FGGY: variants seen among roughly 807,000 people sequenced by gnomAD.
FGGY encodes FGGY carbohydrate kinase domain containing.
A neutral mutation model predicts 71.3 loss-of-function variants in FGGY; 72 were observed. That is an observed-to-expected ratio of 1.01 (90% CI 0.84 to 1.23). The LOEUF (loss-of-function observed/expected upper bound fraction) is 1.23, where lower values mean the gene tolerates loss of function less well. FGGY is among the 50% of genes most tolerant of loss of function. FGGY has a pLI of 0.00. For missense variants in FGGY, 668 were observed against 682.3 expected, an observed-to-expected ratio of 0.98 and a Z score of 0.23; for synonymous variants, 251 against 250.3, an observed-to-expected ratio of 1.00 and a Z score of -0.02.
intron 6 of FGGY, among the ~76,000 whole-genome samples, chr1:59,501,341 A>G (rs190901102): frequency 1.3e-5 from 2 of 152,290 alleles, no homozygotes; most frequent in African/African-American, 2.4e-5. Flanking sequence ...TTTGGTTTTA[A>G]TTAGTAAATG....
intron 6 of FGGY, among the ~76,000 whole-genome samples, chr1:59,457,297 A>C (rs979850026): frequency 1.3e-5 from 2 of 152,174 alleles, no homozygotes; most frequent in Admixed American, 6.5e-5. Flanking sequence ...CATGCTATGA[A>C]AATCTGCATT....
At chr1:59,301,182 A>G (rs1290857787) in intron 1 of FGGY, among the ~76,000 whole-genome samples, 6 of 152,168 alleles carry the variant, frequency 3.9e-5, no homozygotes. Context: ...GGTCTTACAC[A>G]TCTTTGTTGG....
chr1:59,505,338 T>C (rs2094350562), intron 6 of FGGY, among the ~76,000 whole-genome samples: 1 of 152,226 alleles, frequency 6.6e-6, no homozygotes, highest in Admixed American at 6.5e-5. Flanking sequence ...AGGTACTCAT[T>C]AAACATTTCT....
chr1:59,730,361 C>T (rs1011481883), intron 14 of FGGY, among the ~76,000 whole-genome samples: 2 of 148,016 alleles, frequency 1.4e-5, no homozygotes, highest in Non-Finnish European at 3.0e-5. Flanking sequence ...ACAGTTTTTA[C>T]ATGTTGGAGC....
chr1:59,680,206 C>A (rs117149119), intron 14 of FGGY, among the ~76,000 whole-genome samples: 2 of 151,448 alleles, frequency 1.3e-5, no homozygotes, highest in Non-Finnish European at 1.5e-5. Flanking sequence ...TTTTTAGTAG[C>A]CTTTTGCCCT....
At chr1:59,412,327 A>G (rs1354284312) in intron 5 of FGGY, among the ~76,000 whole-genome samples, 1 of 106,190 alleles carries the variant, frequency 9.4e-6, no homozygotes, top group African/African-American at 2.6e-5. Flanking sequence ...TCTATCGTGG[A>G]TGGTTCTGAG....
At chr1:59,760,198 G>A (rs1351803790) in intron 15 of FGGY, among the ~76,000 whole-genome samples, 4 of 152,214 alleles carry the variant, frequency 2.6e-5, no homozygotes, top group Non-Finnish European at 5.9e-5. Flanking sequence ...CAGTAAGCAC[G>A]TGATAGGGTA....
At position 59,712,280 on chromosome 1, in the gene FGGY, C is replaced by T. The variant is rs111929923; in HGVS notation, c.1512+38147C>T. Among the ~76,000 whole-genome samples the T allele has an allele frequency of 1.5e-3, 222 of 152,280 alleles. 1 individual carries two copies. The highest frequency in any genetic ancestry group is 2.3e-3 in the Non-Finnish European group (154 of 68,022). ...TCCCATCATCTTGGGCAGCTCTGCC[C>T]CTGTGGTTTTGCACGGTACGACCTC... On this transcript the variant is annotated intron_variant, in intron 14 of 15. Coordinates refer to ENST00000303721, the MANE Select transcript of FGGY (RefSeq NM_018291.5).
At chr1:59,376,636 G>T (rs1440859915) in intron 4 of FGGY, among the ~76,000 whole-genome samples, 1 of 152,192 alleles carries the variant, frequency 6.6e-6, no homozygotes, top group East Asian at 1.9e-4. Context: ...GTGAAGCTGA[G>T]CAGTTTGTCT....
Position 59,629,224 on chromosome 1 carries a change from T to TAAATAAATAAATA in FGGY, c.1073+3177_1073+3178insATAAATAAATAAA, listed in dbSNP as rs142808830. On this transcript the variant is annotated intron_variant, in intron 10 of 15. Coordinates refer to ENST00000303721, the MANE Select transcript of FGGY (RefSeq NM_018291.5). ...GGAACTTAAATAAAAAATGAATAAA[T>TAAATAAATAAATA]AATAAATAAATAAATAAATGATTGT... is the stretch of plus-strand genomic sequence containing the variant. 5.8e-3 allele frequency among the ~76,000 whole-genome samples: 883 copies of TAAATAAATAAATA among 151,982 alleles called. 8 individuals are homozygous for TAAATAAATAAATA. The highest frequency in any genetic ancestry group is 0.02 in the African/African-American group (821 of 41,370).
intron 10 of FGGY, among the ~76,000 whole-genome samples, chr1:59,630,424 G>C (rs1277795699): frequency 2.0e-5 from 3 of 152,090 alleles, no homozygotes; most frequent in African/African-American, 4.8e-5. Flanking sequence ...GAACAGCAAG[G>C]ACAGGGACTG....
chr1:59,753,892 A>G (rs2098268440), intron 14 of FGGY, among the ~76,000 whole-genome samples: 1 of 152,164 alleles, frequency 6.6e-6, no homozygotes, highest in South Asian at 2.1e-4. Flanking sequence ...TTTTAGATAA[A>G]TATAAAGTCA....
intron 14 of FGGY, among the ~76,000 whole-genome samples, chr1:59,694,454 A>G (rs1238496451): frequency 6.6e-6 from 1 of 151,994 alleles, no homozygotes; most frequent in African/African-American, 2.4e-5. Flanking sequence ...TCCATTGTCT[A>G]CATAGCCTTT....
chr1:59,498,908 C>G (rs956838272), intron 6 of FGGY, among the ~76,000 whole-genome samples: 5 of 152,316 alleles, frequency 3.3e-5, no homozygotes, highest in South Asian at 4.1e-4. Context: ...TGCCAGTGTC[C>G]TCCTTCATTC....
rs1321598288 is a variant in FGGY, at chr1:59,491,332, A to G, written c.671-20979A>G. ...TTGGGTAGTATGGTCATTTAATAAT[A>G]TTAATTATTCTGATGCATGAGCATG... is the stretch of plus-strand genomic sequence containing the variant. On this transcript the variant is annotated intron_variant, in intron 6 of 15. Transcript: ENST00000303721. Among the ~76,000 whole-genome samples, 5 of 151,636 alleles carry G rather than the reference A, an allele frequency of 3.3e-5. No individual in the cohort carries two copies. In the East Asian group the frequency reaches 9.7e-4, roughly 30 times the overall value.
intron 8 of FGGY, among the ~76,000 whole-genome samples, chr1:59,581,585 A>G (rs1348657074): frequency 2.0e-5 from 3 of 150,086 alleles, no homozygotes; most frequent in Non-Finnish European, 4.4e-5. Context: ...AAAGACTAGC[A>G]TATAATAGAC....
At chr1:59,468,194 C>T (rs538776555) in intron 6 of FGGY, among the ~76,000 whole-genome samples, 19 of 152,246 alleles carry the variant, frequency 1.2e-4, no homozygotes, top group South Asian at 6.2e-4. Context: ...TAAGTCACCG[C>T]GCCCGACTGG....
At chr1:59,502,303 A>T (rs1386002359) in intron 6 of FGGY, among the ~76,000 whole-genome samples, 2 of 152,214 alleles carry the variant, frequency 1.3e-5, no homozygotes, top group African/African-American at 4.8e-5. Flanking sequence ...AGCACAAGGG[A>T]AAAAGCCATT....
chr1:59,703,844 T>G lies in FGGY; in HGVS notation c.1512+29711T>G, dbSNP rs111836555. ...GAGCTAAGGCTAAAGGAACATCTGATATGTTTTAGGCTAGCAGAGCCATTA... is the reference window on the plus strand; with the variant it reads ...GAGCTAAGGCTAAAGGAACATCTGAGATGTTTTAGGCTAGCAGAGCCATTA... On this transcript the variant is annotated intron_variant, in intron 14 of 15. Transcript: ENST00000303721. Among the ~76,000 whole-genome samples the G allele has an allele frequency of 9.1e-4, 138 of 152,340 alleles. No individual in the cohort carries two copies. The South Asian group carries it at 0.013, about 15-fold the overall frequency.
Sources: gnomAD v4.1 joint callset for allele counts (sites outside exome capture counted in the v4.1 genomes callset) on GRCh38, gnomAD v4.1.1 for gene constraint, MANE v1.5 for transcripts, NCBI Gene and HGNC (gene_info 2026-07-23, HGNC 2026-07-21) for gene names.